GPLD1: variants seen among roughly 807,000 people sequenced by gnomAD.
The protein encoded by GPLD1 is phosphatidylinositol-glycan-specific phospholipase D.
Under a neutral mutation model 112.6 loss-of-function variants are expected in GPLD1, and 84 were observed. That is an observed-to-expected ratio of 0.75 (90% confidence interval 0.63 to 0.89). The LOEUF (loss-of-function observed/expected upper bound fraction) is 0.89, where lower values mean the gene tolerates loss of function less well. GPLD1 is among the 40% of genes least tolerant of loss of function. The pLI is 0.00. For missense variants in GPLD1, 1,044 were observed against 1,051.5 expected (o/e 0.99, Z 0.10); for synonymous variants, 386 against 403.8 (o/e 0.96, Z 0.53).
chr6:24,480,658 TA>T, intron 2 of GPLD1, among the ~76,000 whole-genome samples: 1 of 151,974 alleles, frequency 6.6e-6, no homozygotes, highest in South Asian at 2.1e-4. Flanking sequence ...TTGGGAGGGC[TA>T]AAAAAAGTGC....
intron 20 of GPLD1, among the ~76,000 whole-genome samples, chr6:24,442,679 CA>C (rs1405953278): frequency 6.6e-6 from 1 of 151,706 alleles, no homozygotes; most frequent in African/African-American, 2.4e-5. Flanking sequence ...CACCTGACCT[CA>C]TGATCCACCC....
chr6:24,477,574 TAAA>T (rs772443149), intron 3 of GPLD1, among the ~76,000 whole-genome samples: 4 of 151,016 alleles, frequency 2.6e-5, no homozygotes, highest in Non-Finnish European at 5.9e-5. Context: ...AAAAATAAAA[TAAA>T]AAAGTAGCCA....
intron 5 of GPLD1, among the ~76,000 whole-genome samples, chr6:24,474,664 G>A (rs142157858): frequency 7.9e-5 from 12 of 152,250 alleles, no homozygotes; most frequent in South Asian, 2.1e-4. Flanking sequence ...GAATTGGACC[G>A]GGCGCGGTGG....
In GPLD1 at chr6:24,469,521, C is replaced by T. The variant is rs563078269; in HGVS notation, c.546-2247G>A. Among the ~76,000 whole-genome samples the T allele has an allele frequency of 5.0e-4, 47 of 93,808 alleles. 1 individual carries two copies. Among genetic ancestry groups the T allele is most frequent in the South Asian group, 3.9e-3 (9 of 2,328 alleles). 61.5% of individuals were successfully genotyped at this position (93,808 alleles called of 152,430 possible). A position where few individuals can be genotyped will look rare whatever the true frequency, so the allele number is the denominator to read the frequency against. On this transcript the variant is annotated intron_variant, in intron 7 of 24. Coordinates refer to ENST00000230036, the MANE Select transcript of GPLD1 (RefSeq NM_001503.4). ...GAAACCATCATTCTCAGTAAACTATCGCAAGAACAAAAAACCAAACACCGC... is the reference window on the plus strand; with the variant it reads ...GAAACCATCATTCTCAGTAAACTATTGCAAGAACAAAAAACCAAACACCGC...
chr6:24,447,692 C>T (rs376462820), intron 17 of GPLD1, among the ~76,000 whole-genome samples, 185 bp downstream of exon 17: 1 of 152,128 alleles, frequency 6.6e-6, no homozygotes. Context: ...CTGTGGGTCA[C>T]CTTTTGTATT....
intron 20 of GPLD1, 147 bp downstream of exon 20, chr6:24,445,399 A>C (rs1000917576): frequency 1.9e-5 from 12 of 620,708 alleles, no homozygotes; most frequent in Non-Finnish European, 3.2e-5. Flanking sequence ...TAACTTCCCC[A>C]AAGTTACACA....
At chr6:24,429,938 G>A (rs992878459) in intron 24 of GPLD1, among the ~76,000 whole-genome samples, 1 of 152,238 alleles carries the variant, frequency 6.6e-6, no homozygotes, top group Non-Finnish European at 1.5e-5. Context: ...ACCAAAGCTG[G>A]CACATGAGGT....
chr6:24,440,003 A>T (rs561657798), intron 20 of GPLD1, among the ~76,000 whole-genome samples: 1 of 152,334 alleles, frequency 6.6e-6, no homozygotes, highest in Admixed American at 6.5e-5. Flanking sequence ...TACACACACA[A>T]GTGTTTTACT....
downstream of GPLD1, chr6:24,425,199 C>T (rs921151207): frequency 2.6e-5 from 4 of 152,196 alleles, no homozygotes; most frequent in African/African-American, 9.7e-5. Context: ...CCTCAGAGCA[C>T]ACTGCTGCTA....
chr6:24,457,090 G>C (rs748236384), intron 12 of GPLD1, among the ~76,000 whole-genome samples: 2 of 152,156 alleles, frequency 1.3e-5, no homozygotes, highest in Non-Finnish European at 2.9e-5. Context: ...GGCTGGTCTC[G>C]AATTCCTGAC....
chr6:24,432,121 C>T (rs930020267), intron 24 of GPLD1, among the ~76,000 whole-genome samples: 1 of 151,950 alleles, frequency 6.6e-6, no homozygotes, highest in African/African-American at 2.4e-5. Context: ...GTGTCACACA[C>T]CTGTGGTCTC....
chr6:24,474,098 C>T (rs542553251), intron 5 of GPLD1, among the ~76,000 whole-genome samples: 23 of 151,690 alleles, frequency 1.5e-4, no homozygotes, highest in Non-Finnish European at 3.2e-4. Context: ...TGAACTCCAA[C>T]CTGAGCAACA....
chr6:24,433,209 A>G lies in GPLD1; in HGVS notation c.2414T>C (p.Ile805Thr). 5 of 1,612,470 alleles carry G rather than the reference A, an allele frequency of 3.1e-6. No homozygotes were observed. The highest frequency in any genetic ancestry group is 4.2e-6 in the Non-Finnish European group (5 of 1,178,432). Residue 805 changes from isoleucine to threonine, a missense_variant, in exon 24 of 25, where the codon ATC (isoleucine) becomes ACC (threonine). Physicochemically the swap from Ile to Thr is moderately conservative, Grantham distance 89. Transcript: ENST00000230036. ...EASSRFGSSL[I>T]TVRSKAKNQV... ...CACCTTTGCCTTGGACCTCACGGTG[A>G]TGAGGGAGCTCCCAAACCTTGAGCT...
At chr6:24,492,441 C>T (rs561626278), upstream of GPLD1, among the ~76,000 whole-genome samples, 1 of 138,696 alleles carries the variant, frequency 7.2e-6, no homozygotes, top group South Asian at 2.3e-4. Flanking sequence ...AGGAGGCAGA[C>T]GTTGCAATGA....
At chr6:24,431,641 T>G (rs993434477) in intron 24 of GPLD1, among the ~76,000 whole-genome samples, 2 of 151,814 alleles carry the variant, frequency 1.3e-5, no homozygotes, top group Non-Finnish European at 2.9e-5. Flanking sequence ...TTCAAGCGAT[T>G]CTCCTGCCTC....
At chr6:24,468,299 G>A (rs886856683) in intron 7 of GPLD1, among the ~76,000 whole-genome samples, 4 of 152,144 alleles carry the variant, frequency 2.6e-5, no homozygotes, top group Non-Finnish European at 5.9e-5. Flanking sequence ...GTGGGCAAAG[G>A]ACAGATAGAA....
intron 7 of GPLD1, among the ~76,000 whole-genome samples, chr6:24,471,270 G>A (rs1460061539): frequency 2.0e-5 from 3 of 152,130 alleles, no homozygotes; most frequent in East Asian, 1.9e-4. Flanking sequence ...CAAGGTGGGC[G>A]GATCACTTGA....
At chr6:24,444,195 G>T (rs908367269) in intron 20 of GPLD1, among the ~76,000 whole-genome samples, 5 of 152,100 alleles carry the variant, frequency 3.3e-5, no homozygotes, top group African/African-American at 1.2e-4. Context: ...ACAATAGTGT[G>T]AAACTGGAAA....
rs747085341 is a variant in GPLD1 at position 24,434,837 on chromosome 6, C to CAAA, written c.2359-1451_2359-1449dup. Among the ~76,000 whole-genome samples, 42 of 65,450 alleles carry CAAA rather than the reference C, an allele frequency of 6.4e-4. 2 individuals are homozygous for CAAA. Among genetic ancestry groups the CAAA allele is most frequent in the African/African-American group, 2.4e-3 (40 of 16,884 alleles). The allele number at this position is 65,450 out of a possible 152,430, so 42.9% of individuals were successfully genotyped here. ...TGGGCGACAGAGCGAGACTCCGTCT[C>CAAA]AAAAAAAAAAAAAAAAAAGACAGGG... On this transcript the variant is annotated intron_variant, in intron 22 of 24. Transcript: ENST00000230036.
Sources: gnomAD v4.1 joint callset for allele counts (sites outside exome capture counted in the v4.1 genomes callset) on GRCh38, gnomAD v4.1.1 for gene constraint, MANE v1.5 for transcripts, NCBI Gene and HGNC (gene_info 2026-07-23, HGNC 2026-07-21) for gene names.